The following CSMD1 variants were observed in gnomAD, a reference collection of about 807,000 sequenced individuals.
CSMD1 encodes CUB and sushi domain-containing protein 1.
Under a neutral mutation model 417.5 loss-of-function variants are expected in CSMD1, and 213 were observed. The ratio of observed to expected loss-of-function variants is 0.51; its 90% CI spans 0.46 to 0.57. The LOEUF (loss-of-function observed/expected upper bound fraction) is 0.57, where lower values mean the gene tolerates loss of function less well. Among genes scored for constraint, CSMD1 ranks in the 20% least tolerant of loss-of-function variants. CSMD1 has a pLI of 0.00. For synonymous variants in CSMD1, 2,862 were observed against 1,736.8 expected (o/e 1.65, Z -16.11); for missense variants, 6,923 against 4,529.7 (o/e 1.53, Z -15.17).
chr8:3,457,287 C>G (rs181688155), intron 12 of CSMD1, among the ~76,000 whole-genome samples: 13 of 152,094 alleles, frequency 8.5e-5, no homozygotes, highest in African/African-American at 3.1e-4. Context: ...TCATCTTCAC[C>G]CCTCATCCTA....
chr8:4,473,853 C>T (rs1158940097), intron 2 of CSMD1, among the ~76,000 whole-genome samples: 1 of 151,994 alleles, frequency 6.6e-6, no homozygotes, highest in Non-Finnish European at 1.5e-5. Flanking sequence ...ATGATCGTAG[C>T]ATATATAAGA....
chr8:4,048,074 C>A (rs151288361), intron 3 of CSMD1, among the ~76,000 whole-genome samples: 2 of 152,246 alleles, frequency 1.3e-5, no homozygotes, highest in East Asian at 3.9e-4. Context: ...ATATTTTGTG[C>A]ATTCCTAATT....
intron 1 of CSMD1, among the ~76,000 whole-genome samples, chr8:4,696,307 G>A (rs1233640067): frequency 1.3e-5 from 2 of 152,092 alleles, no homozygotes; most frequent in African/African-American, 4.8e-5. Flanking sequence ...TGGGATATTT[G>A]GTAGCAATAA....
chr8:4,183,841 C>T (rs935731300), intron 3 of CSMD1, among the ~76,000 whole-genome samples: 1 of 152,118 alleles, frequency 6.6e-6, no homozygotes, highest in Admixed American at 6.5e-5. Flanking sequence ...CCTGGATTGC[C>T]CACCTACCAC....
At chr8:3,496,401 C>T (rs1796366157) in intron 10 of CSMD1, among the ~76,000 whole-genome samples, 1 of 152,062 alleles carries the variant, frequency 6.6e-6, no homozygotes, top group Non-Finnish European at 1.5e-5. Flanking sequence ...AAGCACTGGC[C>T]TCAACCTACA....
intron 3 of CSMD1, among the ~76,000 whole-genome samples, chr8:4,284,598 G>A (rs1024798306): frequency 3.9e-5 from 6 of 152,046 alleles, no homozygotes; most frequent in South Asian, 2.1e-4. Flanking sequence ...TTACATTCTC[G>A]TCAGGCAAAG....
At chr8:4,117,290 T>C (rs5016257) in intron 3 of CSMD1, among the ~76,000 whole-genome samples, 150,056 of 151,718 alleles carry the variant, frequency 0.99, 74,231 homozygotes, top group East Asian at 1. Context: ...GCAGCATGCG[T>C]GGCTGGCTGG....
chr8:4,059,852 A>T (rs4617178), intron 3 of CSMD1, among the ~76,000 whole-genome samples: 138,809 of 148,096 alleles, frequency 0.94, 65,143 homozygotes, highest in East Asian at 0.99. Context: ...ACAGCCGAAT[A>T]TTACCAGAGG....
intron 1 of CSMD1, among the ~76,000 whole-genome samples, chr8:4,883,003 T>A (rs75627707): frequency 2.3e-3 from 343 of 152,122 alleles, no homozygotes; most frequent in Non-Finnish European, 3.4e-3. Context: ...AAATTGACAA[T>A]TAGCTGAGAG....
intron 20 of CSMD1, among the ~76,000 whole-genome samples, chr8:3,363,069 G>T (rs184529898): frequency 1.4e-3 from 218 of 152,268 alleles, no homozygotes; most frequent in Middle Eastern, 6.8e-3. Flanking sequence ...CTCGGTTTCA[G>T]GGGTCTGGCC....
intron 3 of CSMD1, among the ~76,000 whole-genome samples, chr8:4,225,075 G>A (rs535877392): frequency 3.0e-4 from 46 of 152,284 alleles, no homozygotes; most frequent in African/African-American, 1.1e-3. Context: ...TCACACCACT[G>A]CACTCCAGCC....
chr8:2,974,669 A>G, intron 55 of CSMD1, 45 bp from the exon 56 acceptor site: 1 of 1,440,412 alleles, frequency 6.9e-7, no homozygotes, highest in Non-Finnish European at 9.3e-7. Flanking sequence ...TTCCAGTTAA[A>G]CCACTTTGTA....
intron 1 of CSMD1, among the ~76,000 whole-genome samples, chr8:4,914,211 T>C (rs1805897394): frequency 1.3e-5 from 2 of 152,150 alleles, no homozygotes; most frequent in African/African-American, 4.8e-5. Context: ...ACAGGTGCAA[T>C]CATTTCTGTT....
intron 18 of CSMD1, among the ~76,000 whole-genome samples, chr8:3,371,864 A>T (rs1809973998): frequency 6.6e-6 from 1 of 152,260 alleles, no homozygotes; most frequent in African/African-American, 2.4e-5. Context: ...GTGACTCCAC[A>T]TTTCACTGTG....
intron 2 of CSMD1, among the ~76,000 whole-genome samples, chr8:4,607,128 T>G (rs886819512): frequency 2.6e-5 from 4 of 152,180 alleles, no homozygotes; most frequent in African/African-American, 9.7e-5. Flanking sequence ...GCACTTTTTT[T>G]TACCTGGGAA....
chr8:2,942,724 A>G, intron 68 of CSMD1, 120 bp from the exon 69 acceptor site: 1 of 679,958 alleles, frequency 1.5e-6, no homozygotes, highest in Non-Finnish European at 2.2e-6. Context: ...GCCATTTCAC[A>G]GGAAACCAAA....
chr8:3,241,055 G>A (rs540243811), intron 26 of CSMD1, among the ~76,000 whole-genome samples: 4 of 148,536 alleles, frequency 2.7e-5, no homozygotes, highest in Non-Finnish European at 6.0e-5. Context: ...TCTCATACTT[G>A]TGGGTTAAGG....
intron 10 of CSMD1, among the ~76,000 whole-genome samples, chr8:3,564,531 G>GTGTC (rs1387239621): frequency 6.6e-6 from 1 of 151,432 alleles, no homozygotes; most frequent in Non-Finnish European, 1.5e-5. Context: ...GTGTGTGTGT[G>GTGTC]TGTGTGTGTG....
intron 5 of CSMD1, among the ~76,000 whole-genome samples, chr8:3,966,409 T>C (rs961213463): frequency 6.6e-6 from 1 of 152,154 alleles, no homozygotes; most frequent in Non-Finnish European, 1.5e-5. Context: ...AAATATATAA[T>C]ACATATATAT....
Sources: gnomAD v4.1 joint callset for allele counts (sites outside exome capture counted in the v4.1 genomes callset) on GRCh38, gnomAD v4.1.1 for gene constraint, MANE v1.5 for transcripts, NCBI Gene and HGNC (gene_info 2026-07-23, HGNC 2026-07-21) for gene names.